The following HMGCLL1 variants were observed in gnomAD, a reference collection of about 807,000 sequenced individuals.
HMGCLL1 encodes 3-hydroxymethyl-3-methylglutaryl-CoA lyase, cytoplasmic.
A neutral mutation model predicts 39.1 loss-of-function variants in HMGCLL1; 36 were observed. The ratio of observed to expected loss-of-function variants is 0.92; its 90% CI spans 0.71 to 1.22. HMGCLL1 has a LOEUF of 1.22. Ranked by LOEUF, HMGCLL1 falls within the 50% of genes most tolerant of loss-of-function variation. The probability of loss-of-function intolerance (pLI) is 0.00; values close to 1 mark genes in which losing one functional copy is unlikely to be tolerated. For synonymous variants in HMGCLL1, 149 were observed against 144.0 expected (o/e 1.03, Z -0.25); for missense variants, 451 against 416.5 (o/e 1.08, Z -0.72).
upstream of HMGCLL1, among the ~76,000 whole-genome samples, chr6:55,582,624 G>T (rs139187190): frequency 2.4e-3 from 362 of 151,954 alleles, 2 homozygotes; most frequent in East Asian, 0.015. Flanking sequence ...CCAAGTTTTA[G>T]GATTATTTCA....
the HMGCLL1 span, among the ~76,000 whole-genome samples, chr6:55,628,395 G>A: frequency 1.3e-5 from 2 of 149,594 alleles, no homozygotes; most frequent in African/African-American, 4.9e-5. Context: ...TCAGTCTCCT[G>A]GGTTCAAACA....
chr6:55,606,593 T>C, the HMGCLL1 span, among the ~76,000 whole-genome samples: 2 of 152,268 alleles, frequency 1.3e-5, no homozygotes, highest in East Asian at 3.9e-4. Context: ...TTTAGGCAGA[T>C]ATTTTTATAT....
intron 7 of HMGCLL1, among the ~76,000 whole-genome samples, chr6:55,441,176 T>C (rs998581840): frequency 1.3e-5 from 2 of 152,138 alleles, no homozygotes; most frequent in South Asian, 4.1e-4. Context: ...TAAAAATTAC[T>C]AGGAGAAAAC....
intron 1 of HMGCLL1, among the ~76,000 whole-genome samples, chr6:55,568,541 GT>G (rs1771322070): frequency 6.6e-6 from 1 of 152,090 alleles, no homozygotes; most frequent in African/African-American, 2.4e-5. Context: ...TTTAACTGCA[GT>G]TTCAACTAAA....
the HMGCLL1 span, among the ~76,000 whole-genome samples, chr6:55,603,675 C>T: frequency 6.6e-6 from 1 of 152,112 alleles, no homozygotes; most frequent in South Asian, 2.1e-4. Flanking sequence ...TATGGCCCAC[C>T]ATTAATTTTA....
intron 7 of HMGCLL1, among the ~76,000 whole-genome samples, chr6:55,490,785 A>G (rs2127420141): frequency 6.6e-6 from 1 of 151,196 alleles, no homozygotes; most frequent in Admixed American, 6.6e-5. Flanking sequence ...TTATCCCTAA[A>G]GACAAAATCT....
At chr6:55,492,743 C>A (rs1766380068) in intron 7 of HMGCLL1, among the ~76,000 whole-genome samples, 1 of 152,196 alleles carries the variant, frequency 6.6e-6, no homozygotes, top group Admixed American at 6.5e-5. Context: ...CATGTATTTA[C>A]ACTGTGGCTA....
At chr6:55,552,881 C>G (rs1030512748) in intron 1 of HMGCLL1, among the ~76,000 whole-genome samples, 1 of 151,874 alleles carries the variant, frequency 6.6e-6, no homozygotes, top group Non-Finnish European at 1.5e-5. Context: ...GTGGCTCACA[C>G]CTGTAATCCC....
At chr6:55,627,922 A>ATATATATATAG in the HMGCLL1 span, among the ~76,000 whole-genome samples, 206 of 2,360 alleles carry the variant, frequency 0.087, 48 homozygotes, top group Non-Finnish European at 0.11. Flanking sequence ...TATATATATA[A>ATATATATATAG]TATATATACT....
At chr6:55,502,998 T>C (rs898738862) in intron 5 of HMGCLL1, among the ~76,000 whole-genome samples, 1 of 151,684 alleles carries the variant, frequency 6.6e-6, no homozygotes, top group Non-Finnish European at 1.5e-5. Context: ...CGTTGTCTCC[T>C]GTGTTTGTTT....
chr6:55,488,152 G>A (rs1356518439), intron 7 of HMGCLL1, among the ~76,000 whole-genome samples: 1 of 152,026 alleles, frequency 6.6e-6, no homozygotes, highest in Non-Finnish European at 1.5e-5. Context: ...TGGGCTAGGA[G>A]GACAGAGGGT....
chr6:55,671,637 G>T, the HMGCLL1 span, among the ~76,000 whole-genome samples: 2 of 151,696 alleles, frequency 1.3e-5, no homozygotes, highest in African/African-American at 4.8e-5. Flanking sequence ...AATGTTGGAG[G>T]TTCTATCAGC....
intron 7 of HMGCLL1, among the ~76,000 whole-genome samples, chr6:55,458,399 A>G (rs1360745196): frequency 1.3e-5 from 2 of 152,202 alleles, no homozygotes; most frequent in African/African-American, 4.8e-5. Flanking sequence ...ATAGAGATGC[A>G]TGTGTGACTC....
At chr6:55,662,255 G>C in the HMGCLL1 span, among the ~76,000 whole-genome samples, 2 of 151,746 alleles carry the variant, frequency 1.3e-5, no homozygotes, top group Non-Finnish European at 2.9e-5. Context: ...GGGCATCCTT[G>C]TCTTGTCCTG....
the HMGCLL1 span, among the ~76,000 whole-genome samples, chr6:55,595,688 C>A: frequency 2.6e-5 from 4 of 151,878 alleles, no homozygotes; most frequent in African/African-American, 9.7e-5. Flanking sequence ...TTACTAAGAA[C>A]CTATGAAGAA....
the HMGCLL1 span, among the ~76,000 whole-genome samples, chr6:55,617,004 C>A: frequency 6.6e-6 from 1 of 151,948 alleles, no homozygotes; most frequent in Admixed American, 6.6e-5. Context: ...AATAATAAGA[C>A]AAAGAGAAAA....
At chr6:55,625,261 T>C in the HMGCLL1 span, among the ~76,000 whole-genome samples, 1 of 152,100 alleles carries the variant, frequency 6.6e-6, no homozygotes, top group African/African-American at 2.4e-5. Flanking sequence ...AACTGGGTGC[T>C]TTCAGAACCA....
chr6:55,547,023 T>C (rs1344839537), intron 1 of HMGCLL1, among the ~76,000 whole-genome samples: 66 of 152,158 alleles, frequency 4.3e-4, no homozygotes, highest in Non-Finnish European at 2.6e-4. Flanking sequence ...AGAACTTTTC[T>C]ATCTGCGTTT....
At chr6:55,473,695 CTTAT>C (rs1052969032) in intron 7 of HMGCLL1, among the ~76,000 whole-genome samples, 4 of 151,256 alleles carry the variant, frequency 2.6e-5, no homozygotes, top group African/African-American at 9.7e-5. Context: ...TCTCTGATGT[CTTAT>C]TTTTCTTTGT....
Sources: gnomAD v4.1 joint callset for allele counts (sites outside exome capture counted in the v4.1 genomes callset) on GRCh38, gnomAD v4.1.1 for gene constraint, MANE v1.5 for transcripts, NCBI Gene and HGNC (gene_info 2026-07-23, HGNC 2026-07-21) for gene names.